AP3B2: variants seen among roughly 807,000 people sequenced by gnomAD.
AP3B2 encodes the protein AP-3 complex subunit beta-2.
A neutral mutation model predicts 126.9 loss-of-function variants in AP3B2; 50 were observed. The ratio of observed to expected loss-of-function variants is 0.39; its 90% CI spans 0.31 to 0.50. The LOEUF (loss-of-function observed/expected upper bound fraction) is 0.50. Ranked by LOEUF, AP3B2 falls within the 20% of genes least tolerant of loss-of-function variation. The pLI is 0.79. For missense variants in AP3B2, 1,177 were observed against 1,426.4 expected (o/e 0.83, Z 2.82); for synonymous variants, 541 against 565.0 (o/e 0.96, Z 0.60).
At chr15:82,660,127 G>A (rs2047913830) in intron 25 of AP3B2, 144 bp from the exon 26 acceptor site, 1 of 1,123,024 alleles carries the variant, frequency 8.9e-7, no homozygotes, top group East Asian at 2.4e-5. Flanking sequence ...TCAGTCTTGG[G>A]GAGAAGGTAC....
chr15:82,709,509 G>A (rs1596203267), intron 1 of AP3B2, 85 bp downstream of exon 1: 1 of 980,106 alleles, frequency 1.0e-6, no homozygotes, highest in African/African-American at 1.7e-5. Flanking sequence ...CCGGCGCTGG[G>A]GCCGGGCGCT....
chr15:82,664,973 T>G lies in AP3B2; in HGVS notation c.2029-30A>C. 6.6e-7 allele frequency: 1 copy of G among 1,518,066 alleles called. No individual in the cohort carries two copies. Among genetic ancestry groups the G allele is most frequent in the Non-Finnish European group, 9.0e-7 (1 of 1,105,806 alleles). The allele number at this position is 1,518,066 out of a possible 1,614,324, so 94.0% of individuals were successfully genotyped here. On this transcript the variant is annotated intron_variant, in intron 17 of 26. Transcript: ENST00000535359. The surrounding 1 kb of genome is among the most constrained non-coding windows in gnomAD (Gnocchi z 4.5). ...AGATGGGGGTAGGGTGCAGGGTCAT[T>G]TCATCATGGTTGGGGAGAAGGCAGG... is the stretch of plus-strand genomic sequence containing the variant.
At chr15:82,666,577 GA>G (rs1473678421) in intron 15 of AP3B2, among the ~76,000 whole-genome samples, 169 bp downstream of exon 15, 1 of 152,182 alleles carries the variant, frequency 6.6e-6, no homozygotes, top group Non-Finnish European at 1.5e-5. Context: ...ATGGGAGGGT[GA>G]AAGAGTAATT....
intron 1 of AP3B2, among the ~76,000 whole-genome samples, chr15:82,694,475 C>T (rs1177846188): frequency 3.3e-5 from 5 of 151,692 alleles, no homozygotes. Flanking sequence ...TGCTTGAGCT[C>T]AGGAGTTGGG....
chr15:82,669,498 C>T (rs115081762), intron 14 of AP3B2, among the ~76,000 whole-genome samples: 3,213 of 148,862 alleles, frequency 0.022, 111 homozygotes, highest in African/African-American at 0.075. Context: ...TTGAGACCAT[C>T]GTGGCCAACA....
rs377582296 is a variant in AP3B2, at chr15:82,691,763, C to G, written c.114-2310G>C. ...AGGAGAGAAGTGGTGTGGGGAACCCCGGCTTTAGTATGGAGAGTCACGGCC... is the reference window on the plus strand; with the variant it reads ...AGGAGAGAAGTGGTGTGGGGAACCCGGGCTTTAGTATGGAGAGTCACGGCC... On this transcript the variant is annotated intron_variant, in intron 1 of 26. Coordinates refer to ENST00000535359, the MANE Select transcript of AP3B2 (RefSeq NM_001278512.2). 52 of 1,573,390 alleles carry G rather than the reference C, an allele frequency of 3.3e-5. No homozygotes were observed. The African/African-American group carries it at 6.8e-4, about 21-fold the overall frequency.
rs757285593 is a variant in AP3B2 at position 82,662,937 on chromosome 15, T to C, written c.2605-15A>G. ...GGACTCAGAAGCTAGAGTGGAGGGG[T>C]AGGGAAGGACAGAACTGAGCAAGAT... On this transcript the variant is annotated splice_polypyrimidine_tract_variant and intron_variant, in intron 22 of 26. Coordinates refer to ENST00000535359, the MANE Select transcript of AP3B2 (RefSeq NM_001278512.2). The C allele has an allele frequency of 6.2e-7, 1 of 1,605,330 alleles. No individual in the cohort carries two copies. Among genetic ancestry groups the C allele is most frequent in the Non-Finnish European group, 8.5e-7 (1 of 1,177,208 alleles).
intron 14 of AP3B2, 108 bp from the exon 15 acceptor site, chr15:82,667,041 T>C: frequency 8.6e-7 from 1 of 1,169,322 alleles, no homozygotes; most frequent in African/African-American, 1.5e-5. Flanking sequence ...CTCCTCTCCC[T>C]GCTTAGGACC....
At chr15:82,692,324 A>G (rs2048551118) in intron 1 of AP3B2, 3 of 587,216 alleles carry the variant, frequency 5.1e-6, no homozygotes, top group Non-Finnish European at 8.8e-6. Flanking sequence ...TGGAAGGCTC[A>G]CCACGCAGAT....
Position 82,677,358 on chromosome 15 carries a change from G to A in AP3B2, c.1404C>T (p.Val468=), listed in dbSNP as rs371731114. 1.1e-5 allele frequency: 18 copies of A among 1,613,612 alleles called. No homozygotes were observed. Among genetic ancestry groups the A allele is most frequent in the African/African-American group, 9.3e-5 (7 of 74,868 alleles). The change falls in exon 13 of 27, where the codon GTC becomes GTT. Residue 468 remains valine (V), a synonymous_variant. Transcript: ENST00000535359. ...RDELVVAESV[V]VIKKLLQMQP... ...GCATCTGTAGCAATTTCTTAATGAC[G>A]ACCACTGACTCTGCAACCACAAGCT...
intron 12 of AP3B2, 91 bp from the exon 13 acceptor site, chr15:82,677,474 G>C: frequency 7.1e-7 from 1 of 1,400,464 alleles, no homozygotes; most frequent in Non-Finnish European, 9.9e-7. Context: ...CAGGCCCTTG[G>C]CTCTTTCTCT....
Position 82,689,826 on chromosome 15 carries a change from G to C in AP3B2, c.114-373C>G, listed in dbSNP as rs190026335. ...CATAAGAAGACAGCCATGTGGGCTG[G>C]GTGTGGCGGCTCACGCCTGTAATCC... is the stretch of plus-strand genomic sequence containing the variant. On this transcript the variant is annotated intron_variant, in intron 1 of 26. Coordinates refer to ENST00000535359, the MANE Select transcript of AP3B2 (RefSeq NM_001278512.2). 1.4e-5 allele frequency: 3 copies of C among 216,328 alleles called. No homozygotes were observed. In the East Asian group the frequency reaches 3.4e-4, roughly 25 times the overall value. 13.4% of individuals were successfully genotyped at this position (216,328 alleles called of 1,614,324 possible).
rs1227277094 is a variant in AP3B2, at chr15:82,662,785, G to T, written c.2742C>A (p.Phe914Leu). Residue 914 changes from phenylalanine to leucine, a missense_variant, in exon 23 of 27, where the codon TTC (phenylalanine) becomes TTA (leucine). Phe to Leu is a conservative substitution (Grantham distance 22). Around this residue, in one of 5 missense-constraint regions of AP3B2, gnomAD observed 587 missense variants for 571.3 expected, o/e 1.03. Coordinates refer to ENST00000535359, the MANE Select transcript of AP3B2 (RefSeq NM_001278512.2). ...DPHMVSVHIH[F>L]SNSSDTPIKG... ...TGATGGGGGTATCAGAGCTGTTGGA[G>T]AAGTGGATGTGCACGGACACCATGT... 4 of 1,613,784 alleles carry T rather than the reference G, an allele frequency of 2.5e-6. No individual in the cohort carries two copies. Among genetic ancestry groups the T allele is most frequent in the Non-Finnish European group, 3.4e-6 (4 of 1,179,844 alleles).
At position 82,664,298 on chromosome 15, in the gene AP3B2, T is replaced by TC; in HGVS notation, c.2261+68dup. On this transcript the variant is annotated intron_variant, in intron 19 of 26. Coordinates refer to ENST00000535359, the MANE Select transcript of AP3B2 (RefSeq NM_001278512.2). This position sits in a 1 kb window ranked among gnomAD's most constrained non-coding sequence, Gnocchi z 4.5. ...GGGCTCTTAGGAGACTGGCTAAAGC[T>TC]CAATGCTAGCCCTCTTTCCAGGAAA... 1 of 1,608,474 alleles carries TC rather than the reference T, an allele frequency of 6.2e-7. No individual in the cohort carries two copies. The highest frequency in any genetic ancestry group is 8.5e-7 in the Non-Finnish European group (1 of 1,178,984).
At chr15:82,701,451 C>A (rs1482298213) in intron 1 of AP3B2, among the ~76,000 whole-genome samples, 1 of 152,140 alleles carries the variant, frequency 6.6e-6, no homozygotes, top group African/African-American at 2.4e-5. Context: ...AATAGACAAA[C>A]TTCCTTGAAC....
At chr15:82,667,768 G>T (rs1028520624) in intron 14 of AP3B2, among the ~76,000 whole-genome samples, 9 of 152,172 alleles carry the variant, frequency 5.9e-5, no homozygotes, top group African/African-American at 2.2e-4. Context: ...CAGAAAAGAA[G>T]CAGGATCATT....
intron 14 of AP3B2, among the ~76,000 whole-genome samples, chr15:82,674,088 AGGCCTCATCTTGGTCATTTCCTT>A (rs2048203301): frequency 6.6e-6 from 1 of 152,142 alleles, no homozygotes. Flanking sequence ...AGCAGGGCAG[AGGCCTCATCTTGGTCATTTCCTT>A]GGCCTCATCC....
At chr15:82,693,315 C>T (rs1274314953) in intron 1 of AP3B2, among the ~76,000 whole-genome samples, 3 of 151,418 alleles carry the variant, frequency 2.0e-5, no homozygotes, top group African/African-American at 4.9e-5. Context: ...GGCACGATCT[C>T]GGGTCACTGA....
intron 4 of AP3B2, among the ~76,000 whole-genome samples, chr15:82,682,166 C>A (rs1165602425): frequency 6.6e-6 from 1 of 150,726 alleles, no homozygotes; most frequent in African/African-American, 2.5e-5. Flanking sequence ...ATTCTCCTGC[C>A]TCAGCCTCCC....
Sources: gnomAD v4.1 joint callset for allele counts (sites outside exome capture counted in the v4.1 genomes callset) on GRCh38, gnomAD v4.1.1 for gene constraint, gnomAD v4.1.1 regional missense constraint, Gnocchi (gnomAD v3.1) non-coding constraint, MANE v1.5 for transcripts, NCBI Gene and HGNC (gene_info 2026-07-23, HGNC 2026-07-21) for gene names.